Variants in NEK11 observed in about 807,000 individuals in gnomAD.
NEK11 encodes NIMA related kinase 11.
In NEK11, 72 loss-of-function variants were observed where a neutral mutation model predicts 80.7. That is an observed-to-expected ratio of 0.89 (90% CI 0.74 to 1.08). The LOEUF (loss-of-function observed/expected upper bound fraction) is 1.08, where lower values mean the gene tolerates loss of function less well. Ranked by LOEUF, NEK11 falls within the 50% of genes least tolerant of loss-of-function variation. NEK11 has a pLI of 0.00. For missense variants in NEK11, 764 were observed against 763.6 expected (o/e 1.00, Z -0.01); for synonymous variants, 251 against 260.7 (o/e 0.96, Z 0.36).
chr3:131,085,410 T>TA (rs1384510814), intron 4 of NEK11, among the ~76,000 whole-genome samples: 2 of 152,186 alleles, frequency 1.3e-5, no homozygotes, highest in African/African-American at 4.8e-5. Flanking sequence ...AATATGATAA[T>TA]ATTTAATGAA....
chr3:131,188,073 T>C (rs1419599065), intron 14 of NEK11, among the ~76,000 whole-genome samples: 6 of 152,146 alleles, frequency 3.9e-5, no homozygotes, highest in Admixed American at 3.9e-4. Flanking sequence ...GGCTTGACAC[T>C]GGGACTAGAG....
intron 16 of NEK11, among the ~76,000 whole-genome samples, chr3:131,260,818 G>A (rs1050377058): frequency 1.3e-5 from 2 of 152,134 alleles, no homozygotes; most frequent in African/African-American, 4.8e-5. Flanking sequence ...CAAGACGAGG[G>A]TTAAAGATTA....
chr3:131,323,438 C>G (rs2096918201), intron 17 of NEK11, among the ~76,000 whole-genome samples: 1 of 151,982 alleles, frequency 6.6e-6, no homozygotes, highest in Admixed American at 6.5e-5. Context: ...TTTCCTGAAG[C>G]CTATACTACC....
chr3:131,175,142 G>T (rs2092933121), intron 14 of NEK11: 2 of 992,536 alleles, frequency 2.0e-6, no homozygotes, highest in Non-Finnish European at 1.2e-6. Flanking sequence ...AATTAAATAT[G>T]TTATGTTTTT....
chr3:131,281,770 G>A (rs1561357675), intron 17 of NEK11, among the ~76,000 whole-genome samples: 1 of 152,120 alleles, frequency 6.6e-6, no homozygotes, highest in Non-Finnish European at 1.5e-5. Context: ...AGTTTATTCT[G>A]CCTGTCTGTC....
At chr3:131,047,191 T>C (rs1382767805) in intron 3 of NEK11, among the ~76,000 whole-genome samples, 1 of 152,192 alleles carries the variant, frequency 6.6e-6, no homozygotes, top group Non-Finnish European at 1.5e-5. Flanking sequence ...TCTTGTATCA[T>C]TTTTTGATTT....
chr3:131,166,207 G>A (rs1346539703), intron 12 of NEK11, among the ~76,000 whole-genome samples: 2 of 152,186 alleles, frequency 1.3e-5, no homozygotes, highest in African/African-American at 4.8e-5. Context: ...AGCAACTTGG[G>A]ATGAAGCCAT....
chr3:131,291,440 A>C (rs570867356), intron 17 of NEK11, among the ~76,000 whole-genome samples: 39 of 152,308 alleles, frequency 2.6e-4, no homozygotes, highest in African/African-American at 8.9e-4. Context: ...CTAGGTAAAT[A>C]CCAAGGAGTG....
intron 17 of NEK11, among the ~76,000 whole-genome samples, chr3:131,299,546 G>A (rs2096637653): frequency 6.6e-6 from 1 of 152,092 alleles, no homozygotes; most frequent in Non-Finnish European, 1.5e-5. Flanking sequence ...CCTCTCAGCA[G>A]GCCTCAGTGT....
At position 131,263,912 on chromosome 3, in the gene NEK11, C is replaced by G. The variant is rs1428191980; in HGVS notation, c.1622-9566C>G. Among the ~76,000 whole-genome samples the G allele has an allele frequency of 5.3e-5, 8 of 152,174 alleles. No homozygotes were observed. In the East Asian group the frequency reaches 1.2e-3, roughly 22 times the overall value. ...TTTTTAATGATCGCCATTCTAACTG[C>G]TGTGAGATGGTATCTCATTGTGGTT... On this transcript the variant is annotated intron_variant, in intron 16 of 17. Coordinates refer to ENST00000383366, the MANE Select transcript of NEK11 (RefSeq NM_024800.5).
At chr3:131,175,803 T>A (rs1055421100) in intron 14 of NEK11, among the ~76,000 whole-genome samples, 1 of 152,198 alleles carries the variant, frequency 6.6e-6, no homozygotes, top group Non-Finnish European at 1.5e-5. Context: ...TATTAAAATA[T>A]TCAGAAGAAA....
chr3:131,086,251 C>T (rs1480209901), intron 4 of NEK11, among the ~76,000 whole-genome samples: 1 of 151,958 alleles, frequency 6.6e-6, no homozygotes, highest in Non-Finnish European at 1.5e-5. Flanking sequence ...TAATAATAGC[C>T]TGTTTCTTTT....
chr3:131,319,510 A>G (rs1172071077), intron 17 of NEK11, among the ~76,000 whole-genome samples: 1 of 152,170 alleles, frequency 6.6e-6, no homozygotes, highest in Non-Finnish European at 1.5e-5. Flanking sequence ...GTAATAATTA[A>G]CCAAAAAGGG....
At chr3:131,169,346 T>C (rs1320929372) in intron 13 of NEK11, among the ~76,000 whole-genome samples, 1 of 152,158 alleles carries the variant, frequency 6.6e-6, no homozygotes, top group African/African-American at 2.4e-5. Flanking sequence ...ATCAGAGTTA[T>C]GGGAGAGAAT....
chr3:131,331,403 C>T (rs76283438), intron 17 of NEK11, among the ~76,000 whole-genome samples: 8 of 152,232 alleles, frequency 5.3e-5, no homozygotes, highest in South Asian at 4.2e-4. Flanking sequence ...AATGACCTTC[C>T]GGGTATCCAT....
intron 16 of NEK11, among the ~76,000 whole-genome samples, chr3:131,267,004 T>A (rs1228160209): frequency 6.6e-6 from 1 of 152,224 alleles, no homozygotes; most frequent in Non-Finnish European, 1.5e-5. Flanking sequence ...AGAGACTAAA[T>A]TGCAACACCT....
chr3:131,325,972 G>A (rs755783606), intron 17 of NEK11: 3 of 152,122 alleles, frequency 2.0e-5, no homozygotes, highest in Non-Finnish European at 2.9e-5. Context: ...GCTTTCAGGT[G>A]GTCTAGACAA....
chr3:131,272,463 C>CTTCTTTTTTTTTTTTTTTTTT (rs2096210843), intron 16 of NEK11, among the ~76,000 whole-genome samples: 12 of 43,902 alleles, frequency 2.7e-4, no homozygotes, highest in African/African-American at 1.0e-3. Context: ...GTTTTAGCTT[C>CTTCTTTTTTTTTTTTTTTTTT]TTTTTTTTTT....
intron 17 of NEK11, among the ~76,000 whole-genome samples, chr3:131,347,921 A>AG (rs1295316622): frequency 6.6e-6 from 1 of 151,840 alleles, no homozygotes; most frequent in Admixed American, 6.6e-5. Flanking sequence ...TCATCTCCAA[A>AG]AAAAAAAAAT....
Sources: allele counts gnomAD v4.1 joint callset (sites outside exome capture counted in the v4.1 genomes callset), GRCh38; gene constraint gnomAD v4.1.1; transcripts MANE v1.5; gene names NCBI Gene and HGNC (gene_info 2026-07-23, HGNC 2026-07-21).